CFAP44: variants seen among roughly 807,000 people sequenced by gnomAD.
CFAP44 encodes the protein cilia- and flagella-associated protein 44.
CFAP44 carries 134 observed loss-of-function variants against 216.2 expected under a neutral mutation model. That is an observed-to-expected ratio of 0.62 (90% CI 0.54 to 0.72). The LOEUF (loss-of-function observed/expected upper bound fraction) is 0.72, where lower values mean the gene tolerates loss of function less well. CFAP44 is among the 30% of genes least tolerant of loss of function. The pLI is 0.00. For synonymous variants in CFAP44, 700 were observed against 727.6 expected, an observed-to-expected ratio of 0.96 and a Z score of 0.61; for missense variants, 2,035 against 2,182.1, an observed-to-expected ratio of 0.93 and a Z score of 1.34.
chr3:113,363,623 TG>T, intron 19 of CFAP44, 91 bp from the exon 20 acceptor site: 2 of 1,174,972 alleles, frequency 1.7e-6, no homozygotes, highest in Non-Finnish European at 2.3e-6. Flanking sequence ...AAACTCAAAT[TG>T]GTTCGGTTTT....
intron 22 of CFAP44, among the ~76,000 whole-genome samples, chr3:113,353,745 A>G (rs1452879239): frequency 6.6e-6 from 1 of 152,170 alleles, no homozygotes; most frequent in Non-Finnish European, 1.5e-5. Context: ...ATAGAGACAG[A>G]GGGAGAGAGA....
chr3:113,346,100 C>A (rs567241892), intron 22 of CFAP44, among the ~76,000 whole-genome samples: 1 of 152,328 alleles, frequency 6.6e-6, no homozygotes, highest in South Asian at 2.1e-4. Flanking sequence ...ATTGTAAACA[C>A]ACCAATCAGT....
chr3:113,312,593 TC>T (rs1314720968), intron 28 of CFAP44, among the ~76,000 whole-genome samples: 1 of 152,166 alleles, frequency 6.6e-6, no homozygotes, highest in African/African-American at 2.4e-5. Context: ...CCAGGGCATG[TC>T]GGAGGCCTTC....
chr3:113,377,096 A>AT (rs918668021), intron 17 of CFAP44, among the ~76,000 whole-genome samples: 9 of 152,142 alleles, frequency 5.9e-5, no homozygotes, highest in Admixed American at 4.6e-4. Context: ...ATCTGCTTTT[A>AT]TTTTTTTCTG....
chr3:113,412,029 T>G (rs1173647798), intron 6 of CFAP44, among the ~76,000 whole-genome samples: 2 of 152,126 alleles, frequency 1.3e-5, no homozygotes, highest in East Asian at 3.8e-4. Context: ...CAGCTTAAGC[T>G]ATTCATGACA....
intron 1 of CFAP44, among the ~76,000 whole-genome samples, chr3:113,435,504 G>A (rs914155989): frequency 2.1e-4 from 32 of 152,040 alleles, no homozygotes; most frequent in Middle Eastern, 3.2e-3. Context: ...CATGACACAT[G>A]GGGATTATGG....
rs921279155 is a variant in CFAP44 at position 113,304,275 on chromosome 3, C to T, written c.4876-158G>A. The T allele has an allele frequency of 1.2e-5, 8 of 686,850 alleles. No homozygotes were observed. The African/African-American group carries it at 1.4e-4, about 12-fold the overall frequency. The allele number at this position is 686,850 out of a possible 1,614,324, so 42.5% of individuals were successfully genotyped here. A position where few individuals can be genotyped will look rare whatever the true frequency, so the allele number is the denominator to read the frequency against. ...TACTGAGTAACAGTAGCCAGGCAAACACAGAAAGATGCTGTCAGACAGAAA... is the reference window on the plus strand; with the variant it reads ...TACTGAGTAACAGTAGCCAGGCAAATACAGAAAGATGCTGTCAGACAGAAA... On this transcript the variant is annotated intron_variant, in intron 31 of 34. Coordinates refer to ENST00000393845, the MANE Select transcript of CFAP44 (RefSeq NM_001164496.2).
At chr3:113,406,389 C>T (rs1202766571) in intron 8 of CFAP44, among the ~76,000 whole-genome samples, 1 of 152,056 alleles carries the variant, frequency 6.6e-6, no homozygotes, top group East Asian at 1.9e-4. Flanking sequence ...ATTTGGGAGG[C>T]CGAGGTGGGC....
At chr3:113,321,156 C>CA (rs374599536) in intron 28 of CFAP44, among the ~76,000 whole-genome samples, 172 of 152,266 alleles carry the variant, frequency 1.1e-3, no homozygotes, top group African/African-American at 3.9e-3. Context: ...AGCAGCACAT[C>CA]AAAAAGTTAA....
In CFAP44 at chr3:113,291,872, A is replaced by T. The variant is rs370743214; in HGVS notation, c.5374-124T>A. The T allele has an allele frequency of 9.7e-5, 104 of 1,071,116 alleles. 3 individuals carry two copies. In the East Asian group the frequency reaches 2.7e-3, roughly 28 times the overall value. The allele number at this position is 1,071,116 out of a possible 1,614,324, so 66.4% of individuals were successfully genotyped here. On this transcript the variant is annotated intron_variant, in intron 34 of 34. Transcript: ENST00000393845. ...TCACCCTAAACAGCCACTGTTCCTT[A>T]ATCTCGGGAGCCTTCAATTCCTCTG...
intron 26 of CFAP44, 28 bp from the exon 27 acceptor site, chr3:113,327,847 C>T (rs370760895): frequency 3.2e-5 from 49 of 1,525,970 alleles, no homozygotes; most frequent in South Asian, 2.8e-4. Context: ...TTTGCGGATA[C>T]GTTAGAAGAC....
Position 113,294,717 on chromosome 3 carries a change from A to C in CFAP44, c.5343T>G (p.Asp1781Glu). Residue 1781 changes from aspartate (D) to glutamate (E), a missense_variant, in exon 34 of 35, where the codon GAT (aspartate) becomes GAG (glutamate). By Grantham distance (45) the Asp-to-Glu change is conservative. This residue lies in a region of CFAP44 where 1,883 missense variants were observed against 2,023.7 expected (regional missense o/e 0.93). Transcript: ENST00000393845. ...GATTCTGTAGTGTATTCAACCGAGA[A>C]TCAAGTTTCTTCTTTTCAATACACA... is the stretch of plus-strand genomic sequence containing the variant. ...NDLCIEKKKL[D>E]SRLNTLQNQQ... is the part of the protein sequence containing the mutation. The C allele has an allele frequency of 6.5e-7, 1 of 1,535,876 alleles. No homozygotes were observed. Among genetic ancestry groups the C allele is most frequent in the African/African-American group, 1.4e-5 (1 of 73,058 alleles).
intron 24 of CFAP44, among the ~76,000 whole-genome samples, chr3:113,341,352 T>A (rs1165506993): frequency 6.6e-6 from 1 of 152,158 alleles, no homozygotes; most frequent in Non-Finnish European, 1.5e-5. Flanking sequence ...ACTGGATTTT[T>A]TTTTTTAAAA....
chr3:113,426,271 T>A lies in CFAP44; in HGVS notation c.260A>T (p.Gln87Leu), dbSNP rs115750112. 1,447 of 1,612,978 alleles carry A rather than the reference T, an allele frequency of 9.0e-4. 12 individuals carry two copies. The African/African-American group carries it at 0.017, about 19-fold the overall frequency. The part of the protein sequence containing the change: ...YGDLQSTTVP[Q>L]QTPAPAVEEA... ...TTCCACAGCTGGAGCAGGGGTTTGC[T>A]GAGGTACTAAAAAAATAAAATAATT... The change falls in exon 4 of 35, where the codon CAG becomes CTG. Residue 87 changes from glutamine (Q) to leucine (L), a missense_variant. Around this residue, in one of 3 missense-constraint regions of CFAP44, gnomAD observed 149 missense variants for 141.8 expected, o/e 1.05. Transcript: ENST00000393845.
At chr3:113,351,157 T>C (rs1041753526) in intron 22 of CFAP44, among the ~76,000 whole-genome samples, 3 of 152,220 alleles carry the variant, frequency 2.0e-5, no homozygotes, top group Non-Finnish European at 4.4e-5. Flanking sequence ...AGGAGCCATC[T>C]ATACAAATTC....
At chr3:113,344,786 A>C (rs1950365631) in intron 22 of CFAP44, 74 bp from the exon 23 acceptor site, 3 of 1,256,910 alleles carry the variant, frequency 2.4e-6, no homozygotes, top group Admixed American at 6.1e-5. Context: ...TAATAAAATA[A>C]AACTACAATA....
intron 4 of CFAP44, among the ~76,000 whole-genome samples, chr3:113,421,772 G>A (rs1365941165): frequency 6.6e-6 from 1 of 151,878 alleles, no homozygotes. Context: ...ACTTATAAGT[G>A]GGAGCTAAAT....
At chr3:113,333,955 C>CT (rs577928589) in intron 24 of CFAP44, among the ~76,000 whole-genome samples, 464 of 141,122 alleles carry the variant, frequency 3.3e-3, no homozygotes, top group South Asian at 7.0e-3. Flanking sequence ...GTCAATTAAA[C>CT]TTTTTTTTTT....
chr3:113,400,094 ATTTCT>A (rs931350825), intron 12 of CFAP44, 94 bp from the exon 13 acceptor site: 1 of 789,386 alleles, frequency 1.3e-6, no homozygotes, highest in African/African-American at 1.8e-5. Context: ...ATAACAAGAA[ATTTCT>A]TAACTAAATC....
Sources: gnomAD v4.1 joint callset for allele counts (sites outside exome capture counted in the v4.1 genomes callset) on GRCh38, gnomAD v4.1.1 for gene constraint, gnomAD v4.1.1 regional missense constraint, MANE v1.5 for transcripts, NCBI Gene and HGNC (gene_info 2026-07-23, HGNC 2026-07-21) for gene names.